Variants in MYCBP2 observed in about 807,000 individuals in gnomAD.
MYCBP2 encodes MYC binding protein 2, also known as E3 ubiquitin-protein ligase MYCBP2.
MYCBP2 carries 120 observed loss-of-function variants against 525.3 expected under a neutral mutation model. The observed-to-expected ratio is 0.23, with a 90% CI of 0.20 to 0.27. The LOEUF (loss-of-function observed/expected upper bound fraction) is 0.27. MYCBP2 is among the 10% of genes least tolerant of loss of function. The pLI is 1.00. For missense variants in MYCBP2, 4,149 were observed against 5,657.1 expected (o/e 0.73, Z 8.55); for synonymous variants, 1,894 against 1,955.8 (o/e 0.97, Z 0.83).
chr13:77,045,820 A>G (rs1446718988), intron 82 of MYCBP2, among the ~76,000 whole-genome samples: 1 of 152,228 alleles, frequency 6.6e-6, no homozygotes, highest in Non-Finnish European at 1.5e-5. Context: ...ATGAACAAAA[A>G]AGGTCACAAA....
At chr13:77,117,532 C>G (rs1431298030) in intron 55 of MYCBP2, among the ~76,000 whole-genome samples, 1 of 152,212 alleles carries the variant, frequency 6.6e-6, no homozygotes, top group East Asian at 1.9e-4. Context: ...AAACAAATAA[C>G]TTAGACCTAA....
intron 52 of MYCBP2, among the ~76,000 whole-genome samples, chr13:77,138,911 T>A (rs552350107): frequency 6.6e-6 from 1 of 152,318 alleles, no homozygotes; most frequent in Admixed American, 6.5e-5. Flanking sequence ...GTAACCACTC[T>A]CATTTTCTAC....
chr13:77,170,830 C>T (rs1217584177), intron 38 of MYCBP2, among the ~76,000 whole-genome samples: 1 of 152,116 alleles, frequency 6.6e-6, no homozygotes, highest in Non-Finnish European at 1.5e-5. Context: ...CTTCCTCGGC[C>T]TCCCAAAGTG....
At position 77,097,603 on chromosome 13, in the gene MYCBP2, A is replaced by C. The variant is rs1403594663; in HGVS notation, c.9551T>G (p.Phe3184Cys). The change falls in exon 56 of 83, where the codon TTT becomes TGT. Residue 3184 changes from phenylalanine to cysteine, a missense_variant. Physicochemically the swap from Phe to Cys is radical, Grantham distance 205 (BLOSUM62 -2). Coordinates refer to ENST00000544440, the MANE Select transcript of MYCBP2 (RefSeq NM_015057.5). ...TIKAASQNMIFPSPGSCAVLK... is the reference protein window; with the variant it reads ...TIKAASQNMICPSPGSCAVLK... ...AACTGCACAGGAACCAGGACTTGGA[A>C]AAATCATATTCTGGGAAGCAGCTTT... 1 of 1,613,642 alleles carries C rather than the reference A, an allele frequency of 6.2e-7. No homozygotes were observed. The highest frequency in any genetic ancestry group is 8.5e-7 in the Non-Finnish European group (1 of 1,179,786).
chr13:77,080,965 C>A, intron 65 of MYCBP2: 1 of 151,894 alleles, frequency 6.6e-6, no homozygotes, highest in Non-Finnish European at 1.5e-5. Context: ...AAGCTGATTA[C>A]ACTATAGGTC....
At chr13:77,309,813 T>C (rs2079937575) in intron 1 of MYCBP2, among the ~76,000 whole-genome samples, 1 of 152,166 alleles carries the variant, frequency 6.6e-6, no homozygotes, top group Non-Finnish European at 1.5e-5. Context: ...ACCATTACAT[T>C]GCTTAAAAAC....
intron 1 of MYCBP2, among the ~76,000 whole-genome samples, chr13:77,319,246 T>C (rs1317238395): frequency 1.3e-5 from 2 of 151,886 alleles, no homozygotes; most frequent in Non-Finnish European, 1.5e-5. Context: ...GAGCTGGGGG[T>C]AAGAGGGACA....
At chr13:77,078,986 G>T in intron 65 of MYCBP2, 97 bp from the exon 66 acceptor site, 4 of 995,502 alleles carry the variant, frequency 4.0e-6, no homozygotes, top group Non-Finnish European at 6.3e-6. Context: ...CAACTCTTCT[G>T]CCTGTCTCTT....
At position 77,278,766 on chromosome 13, in the gene MYCBP2, T is replaced by G. The variant is rs1197601926; in HGVS notation, c.740A>C (p.Glu247Ala). 1 of 1,546,976 alleles carries G rather than the reference T, an allele frequency of 6.5e-7. No homozygotes were observed. Among genetic ancestry groups the G allele is most frequent in the South Asian group, 1.3e-5 (1 of 79,776 alleles). The change falls in exon 4 of 83, where the codon GAG becomes GCG. Residue 247 changes from glutamate to alanine, a missense_variant. By Grantham distance (107) the Glu-to-Ala change is moderately radical (BLOSUM62 -1). Transcript: ENST00000544440. ...TGAGCCTTGGCTCTTACCTAGGACC[T>G]CAGGTGGCTCAGACTGGAGGCCTTC... ...QPEGLQSEPP[E>A]VLESLFQLLL...
chr13:77,314,943 A>T (rs577500475), intron 1 of MYCBP2, among the ~76,000 whole-genome samples: 9 of 152,274 alleles, frequency 5.9e-5, no homozygotes, highest in Admixed American at 3.3e-4. Flanking sequence ...TATTTTTTTT[A>T]AAAAAGGAGG....
At chr13:77,144,610 TCAACATCATTACGATA>T (rs1337898111) in intron 48 of MYCBP2, 50 bp from the exon 49 acceptor site, 10 of 1,167,760 alleles carry the variant, frequency 8.6e-6, no homozygotes, top group Non-Finnish European at 1.3e-5. Flanking sequence ...GGTTAAGCAG[TCAACATCATTACGATA>T]GTTCAGCAAA....
At chr13:77,070,756 C>T (rs2041081810) in intron 68 of MYCBP2, 45 bp from the exon 69 acceptor site, 2 of 1,276,482 alleles carry the variant, frequency 1.6e-6, no homozygotes, top group South Asian at 1.5e-5. Flanking sequence ...GAAGTGGTCT[C>T]TTTAAATAAA....
At chr13:77,198,513 A>C (rs1166809256) in intron 26 of MYCBP2, among the ~76,000 whole-genome samples, 2 of 152,234 alleles carry the variant, frequency 1.3e-5, no homozygotes, top group Non-Finnish European at 2.9e-5. Flanking sequence ...TTTTTTGTGA[A>C]GCCTGCTATT....
chr13:77,138,120 A>G (rs2054036588), intron 52 of MYCBP2, among the ~76,000 whole-genome samples: 1 of 152,218 alleles, frequency 6.6e-6, no homozygotes, highest in African/African-American at 2.4e-5. Flanking sequence ...TAGATGTATC[A>G]TTGTTCAACT....
At chr13:77,205,913 G>A (rs2063273674) in intron 24 of MYCBP2, among the ~76,000 whole-genome samples, 1 of 152,210 alleles carries the variant, frequency 6.6e-6, no homozygotes, top group Admixed American at 6.5e-5. Flanking sequence ...GATTCTTAAA[G>A]TGCTATTTGA....
At chr13:77,135,775 T>C (rs988063545) in intron 52 of MYCBP2, among the ~76,000 whole-genome samples, 3 of 152,146 alleles carry the variant, frequency 2.0e-5, no homozygotes, top group Admixed American at 6.5e-5. Flanking sequence ...CATCCCCCCA[T>C]GACTTTAAAT....
At chr13:77,196,013 A>G (rs2061719285) in intron 26 of MYCBP2, among the ~76,000 whole-genome samples, 1 of 152,224 alleles carries the variant, frequency 6.6e-6, no homozygotes, top group African/African-American at 2.4e-5. Context: ...CAATACAATC[A>G]AAGAATTGGG....
rs187367236 is a variant in MYCBP2 at position 77,306,783 on chromosome 13, A to C, written c.303-10109T>G. ...ACAACAAGAGGAATGAGAGCAAGCAAATAACTAAGAACACAGAGATACAAG... is the reference window on the plus strand; with the variant it reads ...ACAACAAGAGGAATGAGAGCAAGCACATAACTAAGAACACAGAGATACAAG... On this transcript the variant is annotated intron_variant, in intron 1 of 82. Coordinates refer to ENST00000544440, the MANE Select transcript of MYCBP2 (RefSeq NM_015057.5). Among the ~76,000 whole-genome samples, 255 of 152,316 alleles carry C rather than the reference A, an allele frequency of 1.7e-3. 4 individuals are homozygous for C. Among genetic ancestry groups the C allele is most frequent in the African/African-American group, 5.4e-3 (226 of 41,564 alleles).
chr13:77,099,710 A>T (rs569044112), intron 55 of MYCBP2: 13 of 152,326 alleles, frequency 8.5e-5, no homozygotes, highest in African/African-American at 3.1e-4. Flanking sequence ...TGGAAACCAC[A>T]GAAACGGTGG....
Sources: gnomAD v4.1 joint callset for allele counts (sites outside exome capture counted in the v4.1 genomes callset) on GRCh38, gnomAD v4.1.1 for gene constraint, MANE v1.5 for transcripts, NCBI Gene and HGNC (gene_info 2026-07-23, HGNC 2026-07-21) for gene names.